The following TBC1D28 variants were observed in gnomAD, a reference collection of about 807,000 sequenced individuals.
TBC1D28 encodes TBC1 domain family member 28.
A neutral mutation model predicts 29.2 loss-of-function variants in TBC1D28; 20 were observed. The ratio of observed to expected loss-of-function variants is 0.68; its 90% CI spans 0.48 to 0.99. TBC1D28 has a LOEUF of 0.99. Among genes scored for constraint, TBC1D28 ranks in the 50% least tolerant of loss-of-function variants. TBC1D28 has a pLI of 0.00. For synonymous variants in TBC1D28, 65 were observed against 90.9 expected, an observed-to-expected ratio of 0.71 and a Z score of 1.62; for missense variants, 205 against 243.7, an observed-to-expected ratio of 0.84 and a Z score of 1.06.
At chr17:18,638,326 G>A (rs1160218503) in exon 7 of TBC1D28, 8 of 1,614,074 alleles carry the variant, frequency 5.0e-6, no homozygotes, top group Non-Finnish European at 6.8e-6. Context: ...ATATTTGCCT[G>A]GGTTCTGGGA....
At chr17:18,636,166 G>T in exon 9 of TBC1D28, 3 of 1,191,624 alleles carry the variant, frequency 2.5e-6, no homozygotes, top group Non-Finnish European at 3.1e-6. Flanking sequence ...TTGGATCCTT[G>T]CCAGGTTTCC....
At chr17:18,638,889 A>G (rs2031637552) in intron 5 of TBC1D28, 188 bp from the exon 7 acceptor site, 1 of 840,324 alleles carries the variant, frequency 1.2e-6, no homozygotes, top group Admixed American at 2.8e-5. Flanking sequence ...ATGCCAGGAC[A>G]TGCCATCCTC....
intron 6 of TBC1D28, 83 bp from the exon 8 acceptor site, chr17:18,638,503 T>C: frequency 6.4e-7 from 1 of 1,555,122 alleles, no homozygotes; most frequent in Non-Finnish European, 8.8e-7. Context: ...TGCAGTCCTA[T>C]GGCAAGGATG....
upstream of TBC1D28, among the ~76,000 whole-genome samples, chr17:18,644,099 A>T (rs1320554272): frequency 6.6e-6 from 1 of 151,826 alleles, no homozygotes; most frequent in African/African-American, 2.4e-5. Flanking sequence ...GACCCTAGAC[A>T]TCTCACTTGT....
downstream of TBC1D28, among the ~76,000 whole-genome samples, chr17:18,634,722 A>G (rs548247938): frequency 2.0e-5 from 3 of 152,256 alleles, no homozygotes; most frequent in Non-Finnish European, 2.9e-5. Flanking sequence ...CCAGAGAGAA[A>G]GCAGCCCGAG....
chr17:18,643,592 GC>G (rs1438709215), upstream of TBC1D28, among the ~76,000 whole-genome samples: 1 of 150,516 alleles, frequency 6.6e-6, no homozygotes, highest in Non-Finnish European at 1.5e-5. Context: ...CCAAGCCTCT[GC>G]TGACCAGGCC....
At chr17:18,635,047 C>T (rs911803759) in exon 9 of TBC1D28, 7 of 152,422 alleles carry the variant, frequency 4.6e-5, no homozygotes, top group Admixed American at 3.9e-4. Context: ...CAGGGCCAGT[C>T]CGGGGGAGCG....
chr17:18,639,874 C>G (rs1318662333), intron 4 of TBC1D28, among the ~76,000 whole-genome samples: 2 of 99,960 alleles, frequency 2.0e-5, no homozygotes, highest in Non-Finnish European at 3.9e-5. Flanking sequence ...GTGAGACCTC[C>G]CAGATCCGTC....
At chr17:18,642,300 A>G (rs1175616373) in exon 1 of TBC1D28, 1 of 152,238 alleles carries the variant, frequency 6.6e-6, no homozygotes, top group African/African-American at 2.4e-5. Flanking sequence ...GTCCCACAGC[A>G]ACCATCAGTG....
intron 4 of TBC1D28, 50 bp from the exon 6 acceptor site, chr17:18,639,264 T>C (rs1197946117): frequency 6.2e-7 from 1 of 1,600,632 alleles, no homozygotes; most frequent in Non-Finnish European, 8.5e-7. Flanking sequence ...CCAGGAGCCA[T>C]CCCTCTCCCT....
chr17:18,637,673 G>A (rs2031563376), intron 8 of TBC1D28, among the ~76,000 whole-genome samples, 191 bp downstream of exon 9: 1 of 151,788 alleles, frequency 6.6e-6, no homozygotes, highest in Non-Finnish European at 1.5e-5. Context: ...GGCCCTACAT[G>A]TCCCAGCCCG....
chr17:18,640,992 T>C, intron 4 of TBC1D28, 30 bp downstream of exon 5: 1 of 521,652 alleles, frequency 1.9e-6, no homozygotes, highest in Middle Eastern at 4.7e-4. Context: ...GTGAGATTGG[T>C]GGCTGGGGTC....
At chr17:18,637,083 A>G (rs1464632116) in intron 8 of TBC1D28, among the ~76,000 whole-genome samples, 2 of 125,240 alleles carry the variant, frequency 1.6e-5, no homozygotes, top group African/African-American at 6.8e-5. Flanking sequence ...ATGGCCAATG[A>G]ATTGGAATCC....
chr17:18,635,285 C>G (rs1460377967), exon 9 of TBC1D28: 1 of 153,326 alleles, frequency 6.5e-6, no homozygotes, highest in Non-Finnish European at 1.4e-5. Context: ...CAAAGGGCAG[C>G]TTGTGCCCGA....
exon 6 of TBC1D28, chr17:18,638,700 T>C: frequency 1.9e-6 from 3 of 1,614,048 alleles, no homozygotes; most frequent in African/African-American, 1.3e-5. Context: ...CTTGCGTCTT[T>C]GCTGTCAAAT....
At chr17:18,641,575 A>T (rs2031766778) in intron 2 of TBC1D28, 57 bp downstream of exon 3, 2 of 604,730 alleles carry the variant, frequency 3.3e-6, no homozygotes, top group South Asian at 4.1e-5. Flanking sequence ...ATTTGAGCAC[A>T]CGGGGACCTG....
upstream of TBC1D28, among the ~76,000 whole-genome samples, chr17:18,643,749 C>G (rs142732982): frequency 2.6e-3 from 390 of 152,342 alleles, no homozygotes; most frequent in African/African-American, 8.9e-3. Context: ...CAACTGCCCA[C>G]AGGCAGAGGG....
exon 9 of TBC1D28, chr17:18,635,917 T>C: frequency 1.0e-6 from 1 of 995,334 alleles, no homozygotes; most frequent in Non-Finnish European, 1.2e-6. Flanking sequence ...CACCCGCCAG[T>C]CTGAAGGCCC....
chr17:18,643,627 C>A (rs2031868586), upstream of TBC1D28, among the ~76,000 whole-genome samples: 1 of 151,152 alleles, frequency 6.6e-6, no homozygotes, highest in Admixed American at 6.6e-5. Flanking sequence ...TCCCCACTGA[C>A]CATGTCCTCG....
Sources: gnomAD v4.1 joint callset for allele counts (sites outside exome capture counted in the v4.1 genomes callset) on GRCh38, gnomAD v4.1.1 for gene constraint, MANE v1.5 for transcripts, NCBI Gene and HGNC (gene_info 2026-07-23, HGNC 2026-07-21) for gene names.